The following MGAT4C variants were observed in gnomAD, a reference collection of about 807,000 sequenced individuals.
MGAT4C encodes the protein alpha-1,3-mannosyl-glycoprotein 4-beta-N-acetylglucosaminyltransferase C.
In MGAT4C, 19 loss-of-function variants were observed where a neutral mutation model predicts 40.1. That is an observed-to-expected ratio of 0.47 (90% CI 0.33 to 0.70). The LOEUF is 0.70. Ranked by LOEUF, MGAT4C falls within the 30% of genes least tolerant of loss-of-function variation. The probability of loss-of-function intolerance (pLI) is 0.02; values close to 1 mark genes in which losing one functional copy is unlikely to be tolerated. For missense variants in MGAT4C, 491 were observed against 563.2 expected (o/e 0.87, Z 1.30); for synonymous variants, 181 against 187.1 (o/e 0.97, Z 0.27).
At chr12:86,557,943 GA>G (rs1462812076) in intron 2 of MGAT4C, among the ~76,000 whole-genome samples, 1 of 151,268 alleles carries the variant, frequency 6.6e-6, no homozygotes, top group Non-Finnish European at 1.5e-5. Flanking sequence ...AGTTACAAAA[GA>G]ACACAGATAA....
chr12:86,721,105 T>C (rs1354934054), intron 2 of MGAT4C, among the ~76,000 whole-genome samples: 4 of 152,126 alleles, frequency 2.6e-5, no homozygotes, highest in Admixed American at 1.3e-4. Flanking sequence ...GGTTATTGAC[T>C]CATGCTTGAA....
At chr12:86,469,298 T>C (rs1957725509) in intron 2 of MGAT4C, among the ~76,000 whole-genome samples, 1 of 152,138 alleles carries the variant, frequency 6.6e-6, no homozygotes, top group African/African-American at 2.4e-5. Context: ...ACCTAGAGAA[T>C]TGCTTTTAAT....
At chr12:86,075,317 C>T (rs952493327) in intron 1 of MGAT4C, among the ~76,000 whole-genome samples, 2 of 152,176 alleles carry the variant, frequency 1.3e-5, no homozygotes, top group Non-Finnish European at 2.9e-5. Flanking sequence ...CCAGGTCTCA[C>T]ATCCAGGTCA....
intron 2 of MGAT4C, among the ~76,000 whole-genome samples, chr12:86,640,405 A>G (rs1339816808): frequency 6.6e-6 from 1 of 151,822 alleles, no homozygotes; most frequent in Non-Finnish European, 1.5e-5. Context: ...AGTTATTTCA[A>G]CCTGTCCATA....
chr12:86,001,532 A>C lies in MGAT4C; in HGVS notation c.-6-11980T>G, dbSNP rs561615887. The C allele has an allele frequency of 7.0e-5, 44 of 624,412 alleles. No individual in the cohort carries two copies. In the African/African-American group the frequency reaches 8.8e-4, roughly 12 times the overall value. 38.7% of individuals were successfully genotyped at this position (624,412 alleles called of 1,614,324 possible). ...GTCTTCACTTCTGGTTGATTGATGG[A>C]TGAGCCATTGGTGATTTCGACTCCT... On this transcript the variant is annotated intron_variant, in intron 2 of 4. Coordinates refer to ENST00000611864, the MANE Select transcript of MGAT4C (RefSeq NM_001351288.2).
chr12:86,770,572 A>T (rs1951614783), intron 1 of MGAT4C, among the ~76,000 whole-genome samples: 1 of 152,092 alleles, frequency 6.6e-6, no homozygotes, highest in African/African-American at 2.4e-5. Context: ...AGACAATTTA[A>T]AAATAATTGT....
chr12:86,177,582 G>A (rs919713419), intron 1 of MGAT4C, among the ~76,000 whole-genome samples: 2 of 151,982 alleles, frequency 1.3e-5, no homozygotes, highest in Admixed American at 1.3e-4. Flanking sequence ...ATCATAAAAT[G>A]AGTGATTTAT....
At chr12:86,763,912 G>T (rs1951450357) in intron 1 of MGAT4C, among the ~76,000 whole-genome samples, 2 of 152,148 alleles carry the variant, frequency 1.3e-5, no homozygotes, top group Non-Finnish European at 2.9e-5. Context: ...AACAGCTCCT[G>T]TCTACAGCTC....
Position 85,976,075 on chromosome 12 carries a change from A to T in MGAT4C, c.*3214T>A, listed in dbSNP as rs1883957653. The stretch of plus-strand genomic sequence containing the variant: ...CTTTCCATACCACATCATATATTAC[A>T]ATTTGAAAATGTTTGTTTCATTTTT... On this transcript the variant is annotated 3_prime_UTR_variant, in exon 5 of 5. Coordinates refer to ENST00000611864, the MANE Select transcript of MGAT4C (RefSeq NM_001351288.2). 1 of 151,090 alleles carries T rather than the reference A, an allele frequency of 6.6e-6. No individual in the cohort carries two copies. Among genetic ancestry groups the T allele is most frequent in the African/African-American group, 2.4e-5 (1 of 41,350 alleles). The allele number at this position is 151,090 out of a possible 1,614,324, so 9.4% of individuals were successfully genotyped here.
intron 3 of MGAT4C, among the ~76,000 whole-genome samples, chr12:86,408,481 A>G (rs10858426): frequency 2.1e-5 from 1 of 47,048 alleles, no homozygotes; most frequent in African/African-American, 9.6e-5. Flanking sequence ...CTCTCTCTCT[A>G]TATATATATA....
intron 4 of MGAT4C, among the ~76,000 whole-genome samples, chr12:86,296,388 C>CGTGCCAGCTGCCTGCCAGTCCT (rs1555264288): frequency 2.0e-5 from 3 of 152,196 alleles, no homozygotes; most frequent in African/African-American, 4.8e-5. Flanking sequence ...CTGCCAGTCC[C>CGTGCCAGCTGCCTGCCAGTCCT]GTGCCATGCG....
chr12:86,507,279 T>C (rs763643829), intron 2 of MGAT4C, among the ~76,000 whole-genome samples: 1 of 152,172 alleles, frequency 6.6e-6, no homozygotes, highest in Non-Finnish European at 1.5e-5. Context: ...AATATCCACT[T>C]CTTAGCCTCA....
rs1308439265 is a variant in MGAT4C at position 86,724,099 on chromosome 12, AAC to A, written c.-229+3108_-229+3109del. On this transcript the variant is annotated intron_variant, in intron 2 of 7. Transcript: ENST00000548651. ...GAAAAACTTCAAACCTGTATAAAAAAACATTTTCATAGATTTTACCATATATA... is the reference window on the plus strand; with the variant it reads ...GAAAAACTTCAAACCTGTATAAAAAAATTTTCATAGATTTTACCATATATA... Among the ~76,000 whole-genome samples the A allele has an allele frequency of 4.9e-4, 75 of 152,200 alleles. 1 individual carries two copies. The highest frequency in any genetic ancestry group is 4.9e-3 in the Admixed American group (75 of 15,276).
At chr12:86,317,499 G>GA in intron 4 of MGAT4C, among the ~76,000 whole-genome samples, 1 of 151,998 alleles carries the variant, frequency 6.6e-6, no homozygotes, top group East Asian at 1.9e-4. Flanking sequence ...ATATGTGTCA[G>GA]AAAAAAATAT....
intron 1 of MGAT4C, chr12:86,068,101 T>C (rs1894734701): frequency 6.6e-6 from 1 of 152,226 alleles, no homozygotes; most frequent in East Asian, 1.9e-4. Flanking sequence ...GCTGTGTATG[T>C]TCTTTTCTCA....
chr12:86,175,226 A>G (rs1454836969), intron 1 of MGAT4C, among the ~76,000 whole-genome samples: 4 of 152,184 alleles, frequency 2.6e-5, no homozygotes, highest in African/African-American at 7.2e-5. Context: ...TTGATGATAT[A>G]TGCAAATAGT....
intron 2 of MGAT4C, among the ~76,000 whole-genome samples, chr12:86,646,712 G>A (rs1565902482): frequency 1.3e-5 from 2 of 151,820 alleles, no homozygotes; most frequent in African/African-American, 2.4e-5. Context: ...ATGGTTACAT[G>A]TTTCTCTCAT....
In MGAT4C at chr12:86,393,878, C is replaced by T. The variant is rs1425460649; in HGVS notation, c.-120+41279G>A. Among the ~76,000 whole-genome samples, 10 of 152,194 alleles carry T rather than the reference C, an allele frequency of 6.6e-5. 1 individual carries two copies. The highest frequency in any genetic ancestry group is 5.9e-4 in the Admixed American group (9 of 15,276). ...TGCTGCTAGTTGGAAACACTGGCTT[C>T]ACTCATCATGCCAATCGTGTCCCTC... is the stretch of plus-strand genomic sequence containing the variant. On this transcript the variant is annotated intron_variant, in intron 3 of 7. Coordinates refer to the MGAT4C transcript ENST00000548651.
chr12:86,819,911 C>T (rs1593237772), intron 1 of MGAT4C, among the ~76,000 whole-genome samples: 1 of 150,550 alleles, frequency 6.6e-6, no homozygotes, highest in Non-Finnish European at 1.5e-5. Context: ...ATAAGTAAAG[C>T]TGTCCATGAA....
Sources: gnomAD v4.1 joint callset for allele counts (sites outside exome capture counted in the v4.1 genomes callset) on GRCh38, gnomAD v4.1.1 for gene constraint, MANE v1.5 for transcripts, NCBI Gene and HGNC (gene_info 2026-07-23, HGNC 2026-07-21) for gene names.